CDH18: variants seen among roughly 807,000 people sequenced by gnomAD.
The protein encoded by CDH18 is cadherin-18.
A neutral mutation model predicts 67.9 loss-of-function variants in CDH18; 31 were observed. The observed-to-expected ratio is 0.46, with a 90% CI of 0.34 to 0.62. The LOEUF is 0.62. Among genes scored for constraint, CDH18 ranks in the 20% least tolerant of loss-of-function variants. The pLI is 0.01. For missense variants in CDH18, 890 were observed against 975.5 expected (o/e 0.91, Z 1.17); for synonymous variants, 362 against 347.2 (o/e 1.04, Z -0.48).
chr5:19,726,659 T>C (rs1266069642), intron 4 of CDH18, among the ~76,000 whole-genome samples: 3 of 152,198 alleles, frequency 2.0e-5, no homozygotes, highest in African/African-American at 7.2e-5. Context: ...AAAAATATAT[T>C]CGTATCTTAA....
At chr5:19,851,117 G>A (rs1288162508) in intron 2 of CDH18, among the ~76,000 whole-genome samples, 1 of 151,734 alleles carries the variant, frequency 6.6e-6, no homozygotes, top group African/African-American at 2.4e-5. Flanking sequence ...ATGTCCTCGA[G>A]AGTATTATTA....
At chr5:19,647,165 G>T (rs116322106) in intron 5 of CDH18, among the ~76,000 whole-genome samples, 1 of 151,924 alleles carries the variant, frequency 6.6e-6, no homozygotes, top group Non-Finnish European at 1.5e-5. Flanking sequence ...CATCCCTAAC[G>T]TAAGGGCAAG....
At chr5:20,337,951 T>C (rs1327841382) in intron 1 of CDH18, among the ~76,000 whole-genome samples, 1 of 152,162 alleles carries the variant, frequency 6.6e-6, no homozygotes, top group Non-Finnish European at 1.5e-5. Context: ...GCAAGTCAAG[T>C]CTTACATGGA....
chr5:19,970,461 T>C (rs1483080496), intron 2 of CDH18, among the ~76,000 whole-genome samples: 3 of 151,484 alleles, frequency 2.0e-5, no homozygotes, highest in Non-Finnish European at 4.4e-5. Context: ...ATATTTTTCA[T>C]TTAAGATCAC....
chr5:19,975,341 TTAGG>T (rs1278943502), intron 2 of CDH18, among the ~76,000 whole-genome samples: 2 of 152,114 alleles, frequency 1.3e-5, no homozygotes, highest in Non-Finnish European at 2.9e-5. Flanking sequence ...TGTAATTTTC[TTAGG>T]TAGTGATTTT....
At chr5:19,877,346 T>C (rs4866041) in intron 2 of CDH18, among the ~76,000 whole-genome samples, 74,949 of 152,006 alleles carry the variant, frequency 0.49, 18,723 homozygotes, top group Middle Eastern at 0.65. Flanking sequence ...GAATTTTAAA[T>C]GTGGGTATGC....
At chr5:19,481,274 T>C (rs1739379091) in intron 12 of CDH18, among the ~76,000 whole-genome samples, 1 of 152,194 alleles carries the variant, frequency 6.6e-6, no homozygotes, top group African/African-American at 2.4e-5. Context: ...CAGTGTCCTC[T>C]AGCTCAGGGT....
chr5:20,070,699 T>C (rs1339923444), intron 2 of CDH18, among the ~76,000 whole-genome samples: 1 of 152,150 alleles, frequency 6.6e-6, no homozygotes, highest in Non-Finnish European at 1.5e-5. Context: ...AATGAATAAT[T>C]TGCAGAGAAC....
At chr5:20,554,635 C>T (rs1581192885) in intron 1 of CDH18, among the ~76,000 whole-genome samples, 1 of 152,292 alleles carries the variant, frequency 6.6e-6, no homozygotes, top group Admixed American at 6.5e-5. Flanking sequence ...GTTTCTCTCA[C>T]TCCATGTGCT....
chr5:19,797,759 A>G (rs1378569357), intron 3 of CDH18, among the ~76,000 whole-genome samples: 2 of 152,064 alleles, frequency 1.3e-5, no homozygotes, highest in Non-Finnish European at 2.9e-5. Flanking sequence ...TTCTTCCCAA[A>G]TCTATAGGTT....
chr5:20,157,509 A>T (rs1751627009), intron 2 of CDH18, among the ~76,000 whole-genome samples: 1 of 152,144 alleles, frequency 6.6e-6, no homozygotes, highest in African/African-American at 2.4e-5. Flanking sequence ...TGCATATATA[A>T]TGCATAGTGA....
At chr5:20,491,167 C>T (rs1345851652) in intron 1 of CDH18, among the ~76,000 whole-genome samples, 1 of 151,064 alleles carries the variant, frequency 6.6e-6, no homozygotes, top group Non-Finnish European at 1.5e-5. Context: ...AAATTTTTCT[C>T]CCTATGATGT....
intron 1 of CDH18, among the ~76,000 whole-genome samples, chr5:20,386,790 C>A (rs557125143): frequency 7.3e-5 from 11 of 150,846 alleles, no homozygotes; most frequent in African/African-American, 2.2e-4. Context: ...CTGAAAGCTA[C>A]AGTTATCCCA....
chr5:19,839,583 C>A (rs1205476032), intron 2 of CDH18, among the ~76,000 whole-genome samples: 1 of 152,012 alleles, frequency 6.6e-6, no homozygotes, highest in African/African-American at 2.4e-5. Context: ...TTGTCACAGA[C>A]CATAACAGCA....
At chr5:20,023,797 T>G (rs1469706063) in intron 2 of CDH18, among the ~76,000 whole-genome samples, 1 of 152,202 alleles carries the variant, frequency 6.6e-6, no homozygotes, top group Non-Finnish European at 1.5e-5. Context: ...ACTGAGGCAC[T>G]GAATGAGCTA....
chr5:19,678,113 T>C (rs1014210766), intron 5 of CDH18, among the ~76,000 whole-genome samples: 4 of 151,730 alleles, frequency 2.6e-5, no homozygotes, highest in East Asian at 1.9e-4. Flanking sequence ...AGATAATAGT[T>C]GACCAAATGT....
chr5:19,905,987 T>C (rs1790491227), intron 2 of CDH18, among the ~76,000 whole-genome samples: 1 of 152,094 alleles, frequency 6.6e-6, no homozygotes, highest in South Asian at 2.1e-4. Flanking sequence ...TAACAAGTTA[T>C]ATTTTCTCCT....
At chr5:20,142,628 G>A (rs1750332557) in intron 2 of CDH18, among the ~76,000 whole-genome samples, 1 of 151,890 alleles carries the variant, frequency 6.6e-6, no homozygotes, top group Non-Finnish European at 1.5e-5. Context: ...TTAAAATAAG[G>A]TAATTAGGGT....
chr5:19,995,473 A>G (rs577685375), intron 2 of CDH18, among the ~76,000 whole-genome samples: 1 of 152,234 alleles, frequency 6.6e-6, no homozygotes, highest in African/African-American at 2.4e-5. Context: ...GAAGACATAG[A>G]GTCAAGCCAT....
Sources: allele counts gnomAD v4.1 joint callset (sites outside exome capture counted in the v4.1 genomes callset), GRCh38; gene constraint gnomAD v4.1.1; transcripts MANE v1.5; gene names NCBI Gene and HGNC (gene_info 2026-07-23, HGNC 2026-07-21).